Variants in FAM151B observed in about 807,000 individuals in gnomAD.
The protein encoded by FAM151B is protein FAM151B.
In FAM151B, 24 loss-of-function variants were observed where a neutral mutation model predicts 31.2. That is an observed-to-expected ratio of 0.77 (90% confidence interval 0.56 to 1.08). The LOEUF is 1.08. Ranked by LOEUF, FAM151B falls within the 50% of genes least tolerant of loss-of-function variation. The probability of loss-of-function intolerance (pLI) is 0.00; values close to 1 mark genes in which losing one functional copy is unlikely to be tolerated. For synonymous variants in FAM151B, 105 were observed against 111.4 expected, an observed-to-expected ratio of 0.94 and a Z score of 0.36; for missense variants, 293 against 328.6, an observed-to-expected ratio of 0.89 and a Z score of 0.84.
chr5:80,538,529 C>T (rs867818320), intron 5 of FAM151B, among the ~76,000 whole-genome samples: 1,653 of 94,000 alleles, frequency 0.018, 139 homozygotes, highest in African/African-American at 0.063. Context: ...TCCTTCCTTC[C>T]TTCCTTCCTT....
intron 5 of FAM151B, among the ~76,000 whole-genome samples, chr5:80,533,749 C>CAAAAAAAAAAAAAAAA (rs71601590): frequency 1.5e-5 from 1 of 67,546 alleles, no homozygotes; most frequent in Non-Finnish European, 2.7e-5. Flanking sequence ...GACTCCATCT[C>CAAAAAAAAAAAAAAAA]AAAAAAAAAA....
rs763726834 is a variant in FAM151B at position 80,519,832 on chromosome 5, AC to A, written c.459del (p.Val154Ter). 6.2e-7 allele frequency: 1 copy of A among 1,614,080 alleles called. No individual in the cohort carries two copies. The highest frequency in any genetic ancestry group is 1.1e-5 in the South Asian group (1 of 91,092). ...AATAGATGCAAAACCATTTTTAGAC[AC>A]CGTGATATCCTTCTTTCCAGACGTG... Reference protein sequence around the residue: ...KVIDAKPFLDTVISFFPDVTF... With the variant: ...KVIDAKPFLDXVISFFPDVTF... On this transcript the variant is annotated frameshift_variant, in exon 4 of 6. Coordinates refer to ENST00000282226, the MANE Select transcript of FAM151B (RefSeq NM_205548.3). LOFTEE classifies it high-confidence loss of function.
rs1181977262 is a variant in FAM151B, at chr5:80,538,525, C to CTTTCTTTTCT, written c.672-3146_672-3145insTCTTTTCTTT. 3.4e-3 allele frequency among the ~76,000 whole-genome samples: 280 copies of CTTTCTTTTCT among 82,706 alleles called. 19 individuals carry two copies. The highest frequency in any genetic ancestry group is 0.023 in the African/African-American group (258 of 11,238). The allele number at this position is 82,706 out of a possible 152,430, so 54.3% of individuals were successfully genotyped here. Reference sequence around the variant, plus strand: ...TTTCTTTTCTTTCTTTCCTTCCTTCCTTCCTTCCTTCCTTCCTTCCTTCCT... The same window carrying CTTTCTTTTCT: ...TTTCTTTTCTTTCTTTCCTTCCTTCCTTTCTTTTCTTTCCTTCCTTCCTTCCTTCCTTCCT... On this transcript the variant is annotated intron_variant, in intron 5 of 5. Transcript: ENST00000282226.
At chr5:80,516,785 C>T (rs1332697617) in intron 3 of FAM151B, among the ~76,000 whole-genome samples, 5 of 152,186 alleles carry the variant, frequency 3.3e-5, no homozygotes, top group African/African-American at 1.2e-4. Context: ...AAGGATGTGT[C>T]ATTTTATAAT....
At chr5:80,521,909 A>G in intron 4 of FAM151B, 94 bp from the exon 5 acceptor site, 2 of 858,414 alleles carry the variant, frequency 2.3e-6, no homozygotes, top group Non-Finnish European at 3.4e-6. Flanking sequence ...TGAATTATCT[A>G]TGGTTTTACC....
chr5:80,513,479 G>T, intron 2 of FAM151B, 125 bp from the exon 3 acceptor site: 1 of 856,656 alleles, frequency 1.2e-6, no homozygotes, highest in South Asian at 2.0e-5. Context: ...TGGGATAATC[G>T]CTCACTGAGT....
intron 5 of FAM151B, among the ~76,000 whole-genome samples, chr5:80,529,780 C>A (rs571775522): frequency 6.6e-6 from 1 of 152,106 alleles, no homozygotes; most frequent in Non-Finnish European, 1.5e-5. Flanking sequence ...CAGGACGAGA[C>A]GGATTCACAG....
intron 5 of FAM151B, among the ~76,000 whole-genome samples, chr5:80,529,486 G>A (rs192005346): frequency 4.9e-4 from 74 of 152,092 alleles, no homozygotes; most frequent in Non-Finnish European, 6.9e-4. Flanking sequence ...TTGATAGACC[G>A]CTAGCAAGAC....
intron 1 of FAM151B, among the ~76,000 whole-genome samples, chr5:80,497,140 A>G (rs552176203): frequency 1.3e-5 from 2 of 152,092 alleles, no homozygotes; most frequent in African/African-American, 4.8e-5. Context: ...AAAACTGCTC[A>G]AAAGGCCAGG....
At chr5:80,500,915 C>A in intron 1 of FAM151B, 1 of 770,076 alleles carries the variant, frequency 1.3e-6, no homozygotes, top group South Asian at 1.4e-5. Flanking sequence ...GAGATCTATA[C>A]TGTTGGAAAA....
chr5:80,523,456 T>G (rs1200413275), intron 5 of FAM151B, among the ~76,000 whole-genome samples: 1 of 152,186 alleles, frequency 6.6e-6, no homozygotes, highest in African/African-American at 2.4e-5. Context: ...CATATACTCA[T>G]GAATTTCACT....
chr5:80,492,001 G>A, intron 1 of FAM151B, among the ~76,000 whole-genome samples: 1 of 152,166 alleles, frequency 6.6e-6, no homozygotes, highest in East Asian at 1.9e-4. Flanking sequence ...TATGGTAGCT[G>A]GAGAACAGCC....
intron 3 of FAM151B, among the ~76,000 whole-genome samples, chr5:80,515,326 A>G (rs1208578976): frequency 1.3e-5 from 2 of 152,194 alleles, no homozygotes; most frequent in Non-Finnish European, 2.9e-5. Flanking sequence ...TGACAAAGAA[A>G]CTTAGTTCCA....
intron 1 of FAM151B, among the ~76,000 whole-genome samples, chr5:80,499,309 A>G (rs1003252601): frequency 6.6e-6 from 1 of 152,228 alleles, no homozygotes; most frequent in Non-Finnish European, 1.5e-5. Flanking sequence ...AATCAAGAGA[A>G]AATATGTTAT....
intron 1 of FAM151B, among the ~76,000 whole-genome samples, chr5:80,492,807 A>G (rs1032623030): frequency 6.6e-6 from 1 of 152,084 alleles, no homozygotes; most frequent in Non-Finnish European, 1.5e-5. Flanking sequence ...TTTAAAAATT[A>G]GCTGGCTGTG....
chr5:80,532,187 G>A (rs2112665497), intron 5 of FAM151B, among the ~76,000 whole-genome samples: 1 of 145,026 alleles, frequency 6.9e-6, no homozygotes, highest in South Asian at 2.2e-4. Context: ...CATGGACACA[G>A]GGTGGGGAAC....
chr5:80,509,191 C>A (rs2112619739), intron 2 of FAM151B, among the ~76,000 whole-genome samples: 1 of 151,746 alleles, frequency 6.6e-6, no homozygotes, highest in East Asian at 1.9e-4. Context: ...GTTGCCCAGG[C>A]TGGTCTTGAA....
chr5:80,510,367 C>T (rs958617599), intron 2 of FAM151B, among the ~76,000 whole-genome samples: 5 of 152,130 alleles, frequency 3.3e-5, no homozygotes, highest in South Asian at 2.1e-4. Flanking sequence ...TCTCAGTCTT[C>T]GGTAATCTTG....
intron 2 of FAM151B, among the ~76,000 whole-genome samples, chr5:80,506,244 A>G (rs1743958541): frequency 6.6e-6 from 1 of 152,348 alleles, no homozygotes; most frequent in Non-Finnish European, 1.5e-5. Flanking sequence ...TAAAGTAATT[A>G]TAATTACCAA....
Sources: allele counts gnomAD v4.1 joint callset (sites outside exome capture counted in the v4.1 genomes callset), GRCh38; gene constraint gnomAD v4.1.1; transcripts MANE v1.5; gene names NCBI Gene and HGNC (gene_info 2026-07-23, HGNC 2026-07-21).